Variants in TNR observed in about 807,000 individuals in gnomAD.
The protein encoded by TNR is tenascin-R.
In TNR, 45 loss-of-function variants were observed where a neutral mutation model predicts 150.4. That is an observed-to-expected ratio of 0.30 (90% confidence interval 0.24 to 0.38). The LOEUF is 0.38. TNR is among the 10% of genes least tolerant of loss of function. The probability of loss-of-function intolerance (pLI) is 1.00; values close to 1 mark genes in which losing one functional copy is unlikely to be tolerated. For synonymous variants in TNR, 687 were observed against 678.4 expected, an observed-to-expected ratio of 1.01 and a Z score of -0.20; for missense variants, 1,544 against 1,759.1, an observed-to-expected ratio of 0.88 and a Z score of 2.19.
At chr1:175,447,957 A>G (rs185100116) in intron 2 of TNR, among the ~76,000 whole-genome samples, 23 of 152,364 alleles carry the variant, frequency 1.5e-4, no homozygotes, top group Admixed American at 1.0e-3. Context: ...AAAGGGCTCA[A>G]TAAATGTTGT....
chr1:175,687,337 A>G (rs748625720), intron 1 of TNR, among the ~76,000 whole-genome samples: 11 of 152,020 alleles, frequency 7.2e-5, no homozygotes, highest in Non-Finnish European at 1.3e-4. Flanking sequence ...TTTCTCTAAG[A>G]CACCTCTGCT....
At chr1:175,640,421 G>A (rs1022701845) in intron 1 of TNR, among the ~76,000 whole-genome samples, 2 of 152,168 alleles carry the variant, frequency 1.3e-5, no homozygotes, top group African/African-American at 4.8e-5. Context: ...CCATGTACTG[G>A]CACCATTATC....
intron 7 of TNR, among the ~76,000 whole-genome samples, chr1:175,389,209 G>A (rs908989551): frequency 1.3e-5 from 2 of 152,274 alleles, no homozygotes; most frequent in Non-Finnish European, 2.9e-5. Context: ...AAACAGCCCC[G>A]GAAGCAAGCA....
At chr1:175,618,583 C>T (rs1050629422) in intron 1 of TNR, among the ~76,000 whole-genome samples, 1 of 152,224 alleles carries the variant, frequency 6.6e-6, no homozygotes, top group Admixed American at 6.5e-5. Flanking sequence ...TTTGTTCCCT[C>T]TGCCCACCCT....
chr1:175,606,021 A>G (rs1273779659), intron 1 of TNR, among the ~76,000 whole-genome samples: 4 of 152,004 alleles, frequency 2.6e-5, no homozygotes. Context: ...GGCAGAAGCC[A>G]TTTGCGCACT....
intron 4 of TNR, among the ~76,000 whole-genome samples, chr1:175,397,476 G>A (rs72723467): frequency 0.013 from 1,927 of 152,232 alleles, 9 homozygotes; most frequent in Non-Finnish European, 0.021. Flanking sequence ...ATAAGTTATC[G>A]TCATCAGATT....
chr1:175,481,050 G>C (rs1557960224), intron 2 of TNR, among the ~76,000 whole-genome samples: 1 of 152,122 alleles, frequency 6.6e-6, no homozygotes, highest in Non-Finnish European at 1.5e-5. Context: ...TGTCACTGTG[G>C]ATTAGCATGC....
At chr1:175,425,807 C>T (rs934775170) in intron 2 of TNR, among the ~76,000 whole-genome samples, 1 of 152,166 alleles carries the variant, frequency 6.6e-6, no homozygotes, top group African/African-American at 2.4e-5. Flanking sequence ...GGCCCTTCTT[C>T]TCTAAGCAGT....
chr1:175,381,836 G>A (rs1002188625), intron 8 of TNR, among the ~76,000 whole-genome samples: 4 of 152,200 alleles, frequency 2.6e-5, no homozygotes, highest in Admixed American at 6.5e-5. Flanking sequence ...TGAGTGATCC[G>A]GCCCTGCCTG....
chr1:175,666,570 C>T (rs148147906), intron 1 of TNR, among the ~76,000 whole-genome samples: 133 of 152,306 alleles, frequency 8.7e-4, no homozygotes, highest in Middle Eastern at 3.4e-3. Flanking sequence ...CTGCAAGCTC[C>T]GTGCTGCCAA....
At chr1:175,480,347 G>A (rs1250239594) in intron 2 of TNR, among the ~76,000 whole-genome samples, 10 of 138,244 alleles carry the variant, frequency 7.2e-5, no homozygotes, top group Non-Finnish European at 1.4e-4. Flanking sequence ...AAGGAAGGAA[G>A]GAGAGAGAAA....
intron 1 of TNR, among the ~76,000 whole-genome samples, chr1:175,710,806 T>C (rs528429971): frequency 1.3e-5 from 2 of 152,328 alleles, no homozygotes; most frequent in South Asian, 4.2e-4. Flanking sequence ...GCTTGGCTCC[T>C]GTCATGTTGT....
intron 1 of TNR, among the ~76,000 whole-genome samples, chr1:175,634,981 C>T (rs546025130): frequency 5.3e-5 from 8 of 152,308 alleles, no homozygotes; most frequent in African/African-American, 9.6e-5. Context: ...CCTAAAGCCA[C>T]GGGTCCCTAC....
intron 1 of TNR, among the ~76,000 whole-genome samples, chr1:175,678,955 T>C (rs186067929): frequency 1.3e-5 from 2 of 152,280 alleles, no homozygotes; most frequent in African/African-American, 2.4e-5. Context: ...TAGAGAGCAA[T>C]TGGGTTCTGC....
chr1:175,371,668 C>T (rs1013816070), intron 9 of TNR, among the ~76,000 whole-genome samples: 2 of 152,150 alleles, frequency 1.3e-5, no homozygotes, highest in Non-Finnish European at 2.9e-5. Flanking sequence ...TAAAGATTCA[C>T]ACGTTATTTA....
chr1:175,543,363 C>T (rs1186090859), intron 1 of TNR, among the ~76,000 whole-genome samples: 3 of 152,090 alleles, frequency 2.0e-5, no homozygotes, highest in Admixed American at 6.6e-5. Context: ...TCCTGTGAAG[C>T]TAGCACTGTC....
intron 1 of TNR, among the ~76,000 whole-genome samples, chr1:175,707,917 C>T (rs1436914330): frequency 6.6e-6 from 1 of 151,950 alleles, no homozygotes; most frequent in Non-Finnish European, 1.5e-5. Context: ...AAAGAAAAAA[C>T]AGGGCTACAT....
chr1:175,578,897 G>A (rs1319053816), intron 1 of TNR, among the ~76,000 whole-genome samples: 1 of 152,140 alleles, frequency 6.6e-6, no homozygotes, highest in Non-Finnish European at 1.5e-5. Context: ...GTCTGTCTAG[G>A]CAGAAGCCCC....
At chr1:175,533,923 G>C (rs1239760646) in intron 1 of TNR, among the ~76,000 whole-genome samples, 1 of 152,172 alleles carries the variant, frequency 6.6e-6, no homozygotes, top group Non-Finnish European at 1.5e-5. Flanking sequence ...ACATTTTGAT[G>C]ACTGTACCAG....
Sources: gnomAD v4.1 joint callset for allele counts (sites outside exome capture counted in the v4.1 genomes callset) on GRCh38, gnomAD v4.1.1 for gene constraint, MANE v1.5 for transcripts, NCBI Gene and HGNC (gene_info 2026-07-23, HGNC 2026-07-21) for gene names.